CCDC18: variants seen among roughly 807,000 people sequenced by gnomAD.
The protein encoded by CCDC18 is coiled-coil domain containing 18.
In CCDC18, 157 loss-of-function variants were observed where a neutral mutation model predicts 196.0. The ratio of observed to expected loss-of-function variants is 0.80; its 90% CI spans 0.70 to 0.91. CCDC18 has a LOEUF of 0.91. Among genes scored for constraint, CCDC18 ranks in the 40% least tolerant of loss-of-function variants. The pLI is 0.00. For missense variants in CCDC18, 1,465 were observed against 1,611.6 expected (o/e 0.91, Z 1.56); for synonymous variants, 482 against 529.2 (o/e 0.91, Z 1.22).
intron 17 of CCDC18, 124 bp from the exon 18 acceptor site, chr1:93,232,302 A>C: frequency 1.7e-6 from 1 of 602,920 alleles, no homozygotes. Flanking sequence ...AACTATAGAC[A>C]TGAATGCAAT....
At chr1:93,248,872 C>G (rs1436691270) in intron 23 of CCDC18, among the ~76,000 whole-genome samples, 2 of 147,176 alleles carry the variant, frequency 1.4e-5, no homozygotes, top group Non-Finnish European at 2.9e-5. Flanking sequence ...ATTAAGGAGG[C>G]TGAGGTGGAA....
intron 28 of CCDC18, among the ~76,000 whole-genome samples, chr1:93,274,796 TATC>T (rs1665539059): frequency 6.6e-6 from 1 of 152,194 alleles, no homozygotes; most frequent in South Asian, 2.1e-4. Context: ...AGTGAGCTAT[TATC>T]ATGCAATGCA....
intron 6 of CCDC18, among the ~76,000 whole-genome samples, chr1:93,198,243 C>T (rs1271962223): frequency 6.6e-6 from 1 of 152,186 alleles, no homozygotes; most frequent in Non-Finnish European, 1.5e-5. Context: ...TGTTCATCAA[C>T]AGTGTAATCT....
intron 26 of CCDC18, among the ~76,000 whole-genome samples, chr1:93,263,696 T>G (rs964981267): frequency 6.6e-6 from 1 of 152,232 alleles, no homozygotes; most frequent in African/African-American, 2.4e-5. Context: ...CTTCCTGTCT[T>G]CTGATTCCTC....
chr1:93,233,007 G>A (rs1221420647), intron 18 of CCDC18, among the ~76,000 whole-genome samples: 1 of 151,942 alleles, frequency 6.6e-6, no homozygotes, highest in African/African-American at 2.4e-5. Context: ...CAAGGATTTT[G>A]CATTATAAGA....
chr1:93,243,381 G>A (rs1402082643), intron 21 of CCDC18, among the ~76,000 whole-genome samples: 1 of 152,196 alleles, frequency 6.6e-6, no homozygotes, highest in African/African-American at 2.4e-5. Context: ...CTGGGATGCA[G>A]GGCACCAAGT....
chr1:93,278,400 T>C (rs375805735), intron 28 of CCDC18, 63 bp from the exon 29 acceptor site: 7 of 680,774 alleles, frequency 1.0e-5, no homozygotes, highest in South Asian at 6.1e-5. Context: ...TATGGTAGAC[T>C]TTTAATGCTA....
intron 27 of CCDC18, chr1:93,269,625 CT>C (rs975242560): frequency 2.0e-5 from 3 of 152,042 alleles, no homozygotes; most frequent in African/African-American, 7.2e-5. Context: ...AAATATATAT[CT>C]TATGGATACC....
intron 28 of CCDC18, chr1:93,271,559 G>T: frequency 2.0e-6 from 2 of 983,894 alleles, no homozygotes; most frequent in Non-Finnish European, 2.4e-6. Context: ...TCTAAGCTGG[G>T]TGCAGTGGCA....
At chr1:93,242,099 C>T (rs1280691398) in intron 21 of CCDC18, among the ~76,000 whole-genome samples, 7 of 152,118 alleles carry the variant, frequency 4.6e-5, no homozygotes, top group Admixed American at 1.3e-4. Flanking sequence ...AAATTGTATA[C>T]AAATGTTTAC....
intron 6 of CCDC18, 40 bp from the exon 7 acceptor site, chr1:93,201,852 C>T (rs749482346): frequency 7.9e-7 from 1 of 1,261,110 alleles, no homozygotes; most frequent in Admixed American, 2.3e-5. Context: ...AAATGCAGAG[C>T]ATTCTTCACT....
chr1:93,231,827 C>A (rs1027394467), intron 17 of CCDC18, among the ~76,000 whole-genome samples: 1 of 151,958 alleles, frequency 6.6e-6, no homozygotes, highest in Non-Finnish European at 1.5e-5. Flanking sequence ...TAAACAACAG[C>A]AATAATAGCA....
intron 26 of CCDC18, 117 bp from the exon 27 acceptor site, chr1:93,264,584 A>C: frequency 1.6e-6 from 1 of 610,620 alleles, no homozygotes; most frequent in Non-Finnish European, 2.9e-6. Flanking sequence ...AACTATAAAC[A>C]GAATTTACTT....
At chr1:93,271,562 C>G (rs1665260941) in intron 28 of CCDC18, 1 of 978,640 alleles carries the variant, frequency 1.0e-6, no homozygotes, top group African/African-American at 1.7e-5. Context: ...AAGCTGGGTG[C>G]AGTGGCACAT....
At chr1:93,267,666 T>G (rs912399439) in intron 27 of CCDC18, among the ~76,000 whole-genome samples, 3 of 151,982 alleles carry the variant, frequency 2.0e-5, no homozygotes, top group East Asian at 1.9e-4. Context: ...AGAGCCAAAT[T>G]ATGAGTGAAC....
At chr1:93,186,657 A>G (rs1571327410) in intron 4 of CCDC18, among the ~76,000 whole-genome samples, 154 bp downstream of exon 4, 2 of 152,004 alleles carry the variant, frequency 1.3e-5, no homozygotes, top group Non-Finnish European at 2.9e-5. Context: ...TGTAAAATCA[A>G]TATTGTATGA....
At position 93,201,667 on chromosome 1, in the gene CCDC18, G is replaced by A. The variant is rs188956343; in HGVS notation, c.699-225G>A. Among the ~76,000 whole-genome samples the A allele has an allele frequency of 2.1e-3, 180 of 87,110 alleles. 2 individuals carry two copies. The highest frequency in any genetic ancestry group is 6.0e-3 in the Middle Eastern group (1 of 166). 57.1% of individuals were successfully genotyped at this position (87,110 alleles called of 152,430 possible). A position where few individuals can be genotyped will look rare whatever the true frequency, so the allele number is the denominator to read the frequency against. ...AATTTATATATATTTCGACATTTAT[G>A]TTTATTATTGTTTTGTGTTTTATTT... On this transcript the variant is annotated intron_variant, in intron 6 of 28. Transcript: ENST00000690025.
chr1:93,246,298 T>C, intron 22 of CCDC18, 94 bp downstream of exon 22: 2 of 693,428 alleles, frequency 2.9e-6, no homozygotes, highest in South Asian at 4.4e-5. Flanking sequence ...AAAATGGGCA[T>C]TTTTATAGCA....
Position 93,226,319 on chromosome 1 carries a change from T to C in CCDC18, c.2176-14T>C. 1.7e-6 allele frequency: 2 copies of C among 1,172,492 alleles called. No individual in the cohort carries two copies. Among genetic ancestry groups the C allele is most frequent in the Non-Finnish European group, 2.4e-6 (2 of 834,520 alleles). 72.6% of individuals were successfully genotyped at this position (1,172,492 alleles called of 1,614,324 possible). On this transcript the variant is annotated splice_polypyrimidine_tract_variant and intron_variant, in intron 16 of 28. Coordinates refer to ENST00000690025, the MANE Select transcript of CCDC18 (RefSeq NM_001378204.1). The stretch of plus-strand genomic sequence containing the variant: ...TTGTGTTTTTTTTTTTTTTTTGCTT[T>C]TTTTCCTGCTTAGGTTAGGCAACTA...
Sources: allele counts gnomAD v4.1 joint callset (sites outside exome capture counted in the v4.1 genomes callset), GRCh38; gene constraint gnomAD v4.1.1; transcripts MANE v1.5; gene names NCBI Gene and HGNC (gene_info 2026-07-23, HGNC 2026-07-21).